NCKAP1L: variants seen among roughly 807,000 people sequenced by gnomAD.
NCKAP1L encodes the protein nck-associated protein 1-like.
Under a neutral mutation model 139.2 loss-of-function variants are expected in NCKAP1L, and 53 were observed. That is an observed-to-expected ratio of 0.38 (90% CI 0.31 to 0.48). The LOEUF (loss-of-function observed/expected upper bound fraction) is 0.48. NCKAP1L is among the 20% of genes least tolerant of loss of function. The pLI, the probability that NCKAP1L is intolerant of heterozygous loss-of-function variation, is 0.98. For missense variants in NCKAP1L, 1,151 were observed against 1,381.9 expected (o/e 0.83, Z 2.65); for synonymous variants, 468 against 499.7 (o/e 0.94, Z 0.85).
intron 26 of NCKAP1L, 152 bp from the exon 27 acceptor site, chr12:54,534,952 A>G (rs184549142): frequency 3.9e-6 from 2 of 512,462 alleles, no homozygotes; most frequent in Non-Finnish European, 6.7e-6. Flanking sequence ...GCCTGGACAA[A>G]ATAGCGAGAC....
chr12:54,516,128 T>C, intron 9 of NCKAP1L, 111 bp from the exon 10 acceptor site: 2 of 1,028,268 alleles, frequency 1.9e-6, no homozygotes, highest in Non-Finnish European at 3.0e-6. Context: ...CTGTGAGGGC[T>C]GCCCATGCTC....
chr12:54,498,827 A>G, intron 1 of NCKAP1L: 1 of 985,002 alleles, frequency 1.0e-6, no homozygotes, highest in Non-Finnish European at 1.2e-6. Flanking sequence ...ATCAAGACAA[A>G]ATGCCTAGGT....
At chr12:54,525,306 T>G (rs1957017734) in intron 20 of NCKAP1L, among the ~76,000 whole-genome samples, 3 of 152,230 alleles carry the variant, frequency 2.0e-5, no homozygotes, top group Admixed American at 2.0e-4. Flanking sequence ...TGAATCTATG[T>G]TTTGATTGTC....
intron 7 of NCKAP1L, among the ~76,000 whole-genome samples, chr12:54,511,389 C>G (rs978068862): frequency 5.9e-5 from 9 of 152,148 alleles, no homozygotes; most frequent in Non-Finnish European, 8.8e-5. Flanking sequence ...CTAAACTAGT[C>G]TGGTAAAATA....
At chr12:54,536,085 T>C in intron 27 of NCKAP1L, 44 bp from the exon 28 acceptor site, 1 of 1,418,904 alleles carries the variant, frequency 7.0e-7, no homozygotes, top group Non-Finnish European at 9.9e-7. Flanking sequence ...TTCTGTTTGC[T>C]GACTTTATTC....
intron 4 of NCKAP1L, among the ~76,000 whole-genome samples, 179 bp from the exon 5 acceptor site, chr12:54,508,210 A>G (rs889808229): frequency 2.0e-5 from 3 of 152,196 alleles, no homozygotes; most frequent in Non-Finnish European, 2.9e-5. Flanking sequence ...TATTGAGCTC[A>G]CTTTTAGCCC....
At chr12:54,507,989 C>A in intron 4 of NCKAP1L, 80 bp downstream of exon 4, 1 of 1,264,996 alleles carries the variant, frequency 7.9e-7, no homozygotes, top group Non-Finnish European at 1.2e-6. Flanking sequence ...GGTCTACTCA[C>A]AGGATGGGGT....
intron 26 of NCKAP1L, among the ~76,000 whole-genome samples, chr12:54,533,491 T>A (rs1957089561): frequency 6.6e-6 from 1 of 152,162 alleles, no homozygotes; most frequent in Non-Finnish European, 1.5e-5. Flanking sequence ...GGGATTTAAA[T>A]AAGGGCAGAA....
Position 54,518,898 on chromosome 12 carries a change from TCC to T in NCKAP1L, c.1421-15_1421-14del. The stretch of plus-strand genomic sequence containing the variant: ...GCTGTTTATTGTTTCCTTTTATACT[TCC>T]GTTTTTCTTGCAGTTGATAATGGAG... On this transcript the variant is annotated splice_polypyrimidine_tract_variant and intron_variant, in intron 14 of 30. Coordinates refer to ENST00000293373, the MANE Select transcript of NCKAP1L (RefSeq NM_005337.5). 3 of 1,611,632 alleles carry T rather than the reference TCC, an allele frequency of 1.9e-6. No homozygotes were observed. In the South Asian group the frequency reaches 3.3e-5, roughly 18 times the overall value.
intron 20 of NCKAP1L, 65 bp from the exon 21 acceptor site, chr12:54,526,463 C>A: frequency 1.5e-6 from 2 of 1,295,072 alleles, no homozygotes; most frequent in Non-Finnish European, 2.2e-6. Context: ...AATATACACT[C>A]AACAATTGTT....
intron 9 of NCKAP1L, among the ~76,000 whole-genome samples, chr12:54,515,640 G>A (rs1627341): frequency 0.49 from 75,077 of 151,984 alleles, 19,837 homozygotes; most frequent in East Asian, 0.81. Context: ...GGGAAAATAA[G>A]CAGAATTCGG....
Position 54,542,601 on chromosome 12 carries a change from C to A in NCKAP1L, c.3300C>A (p.Thr1100=). The A allele has an allele frequency of 6.2e-7, 1 of 1,614,080 alleles. No individual in the cohort carries two copies. Among genetic ancestry groups the A allele is most frequent in the Non-Finnish European group, 8.5e-7 (1 of 1,179,946 alleles). ...RLVVEESSFL[T]LDMLESCFPY... is the part of the protein sequence containing the mutation. ...TGGTGGAGGAGTCATCCTTCCTGAC[C>A]CTGGACATGCTGGAGTCCTGTTTCC... The change falls in exon 31 of 31, where the codon ACC becomes ACA. Residue 1100 remains threonine, a synonymous_variant. Transcript: ENST00000293373.
At position 54,531,509 on chromosome 12, in the gene NCKAP1L, A is replaced by G. The variant is rs778443351; in HGVS notation, c.2623A>G (p.Met875Val). ...VELKKLVVENMDILVQIRSNF... is the reference protein window; with the variant it reads ...VELKKLVVENVDILVQIRSNF... ...ACTACAGAAGCTGGTGGTGGAAAAC[A>G]TGGACATACTTGTTCAGATCAGATC... is the stretch of plus-strand genomic sequence containing the variant. Residue 875 changes from methionine to valine, a missense_variant, in exon 24 of 31, where the codon ATG becomes GTG. Transcript: ENST00000293373. The G allele has an allele frequency of 6.2e-7, 1 of 1,614,226 alleles. No homozygotes were observed. Among genetic ancestry groups the G allele is most frequent in the Non-Finnish European group, 8.5e-7 (1 of 1,180,032 alleles).
At chr12:54,500,827 GTATGTATGTA>G in intron 3 of NCKAP1L, 1 of 485,900 alleles carries the variant, frequency 2.1e-6, no homozygotes. Flanking sequence ...TTTTAAAAGA[GTATGTATGTA>G]TATGTATTTA....
chr12:54,502,299 T>G (rs1214253491), intron 3 of NCKAP1L, among the ~76,000 whole-genome samples: 3 of 152,210 alleles, frequency 2.0e-5, no homozygotes, highest in Non-Finnish European at 2.9e-5. Context: ...GGTTTCAGAT[T>G]TTGGAGCATT....
chr12:54,504,562 G>T (rs1956826343), intron 3 of NCKAP1L, among the ~76,000 whole-genome samples: 2 of 152,214 alleles, frequency 1.3e-5, no homozygotes, highest in Admixed American at 1.3e-4. Context: ...GGTAAATAAA[G>T]TTCTGAGCCC....
Position 54,532,254 on chromosome 12 carries a change from T to C in NCKAP1L, c.2862+4T>C, listed in dbSNP as rs752987913. On this transcript the variant is annotated splice_donor_region_variant and intron_variant, in intron 26 of 30. Coordinates refer to ENST00000293373, the MANE Select transcript of NCKAP1L (RefSeq NM_005337.5). Reference sequence around the variant, plus strand: ...CACTCCAGACACAGACATCAAGGTATGGAGGAGTGCAAAGTAGAATCTAAT... The same window carrying C: ...CACTCCAGACACAGACATCAAGGTACGGAGGAGTGCAAAGTAGAATCTAAT... 2 of 1,609,692 alleles carry C rather than the reference T, an allele frequency of 1.2e-6. No individual in the cohort carries two copies. The highest frequency in any genetic ancestry group is 1.1e-5 in the South Asian group (1 of 90,592).
At chr12:54,536,761 G>A (rs1045937481) in intron 28 of NCKAP1L, among the ~76,000 whole-genome samples, 183 bp from the exon 29 acceptor site, 19 of 149,912 alleles carry the variant, frequency 1.3e-4, no homozygotes, top group African/African-American at 4.7e-4. Context: ...TGCATAATTC[G>A]ATTTCAATAA....
At chr12:54,528,151 A>G (rs1446466231) in intron 21 of NCKAP1L, 96 bp from the exon 22 acceptor site, 7 of 1,449,934 alleles carry the variant, frequency 4.8e-6, no homozygotes, top group Non-Finnish European at 6.6e-6. Context: ...AGTCTTTTGC[A>G]GAGTTTTTCT....
Sources: gnomAD v4.1 joint callset for allele counts (sites outside exome capture counted in the v4.1 genomes callset) on GRCh38, gnomAD v4.1.1 for gene constraint, MANE v1.5 for transcripts, NCBI Gene and HGNC (gene_info 2026-07-23, HGNC 2026-07-21) for gene names.